The following KCNJ5 variants were observed in gnomAD, a reference collection of about 807,000 sequenced individuals.
KCNJ5 encodes G protein-activated inward rectifier potassium channel 4.
In KCNJ5, 12 loss-of-function variants were observed where a neutral mutation model predicts 20.2. The ratio of observed to expected loss-of-function variants is 0.59; its 90% CI spans 0.38 to 0.96. The LOEUF (loss-of-function observed/expected upper bound fraction) is 0.96, where lower values mean the gene tolerates loss of function less well. Ranked by LOEUF, KCNJ5 falls within the 40% of genes least tolerant of loss-of-function variation. KCNJ5 has a pLI of 0.00. For missense variants in KCNJ5, 449 were observed against 557.6 expected (o/e 0.81, Z 1.96); for synonymous variants, 210 against 213.9 (o/e 0.98, Z 0.16).
At chr11:128,894,969 C>A (rs1330957786) in intron 1 of KCNJ5, among the ~76,000 whole-genome samples, 1 of 152,158 alleles carries the variant, frequency 6.6e-6, no homozygotes, top group Non-Finnish European at 1.5e-5. Context: ...TCGTTCCAGG[C>A]CAGAGCAAGC....
chr11:128,906,694 C>T (rs1372977002), intron 1 of KCNJ5, among the ~76,000 whole-genome samples: 1 of 152,182 alleles, frequency 6.6e-6, no homozygotes, highest in Non-Finnish European at 1.5e-5. Flanking sequence ...AAGGAGAAGC[C>T]CCCTCTGTCT....
chr11:128,897,548 CCA>C (rs1161938234), intron 1 of KCNJ5, among the ~76,000 whole-genome samples: 2 of 152,056 alleles, frequency 1.3e-5, no homozygotes, highest in Non-Finnish European at 2.9e-5. Flanking sequence ...ATTTTAGATA[CCA>C]GTCCTTTGTC....
intron 1 of KCNJ5, among the ~76,000 whole-genome samples, chr11:128,898,015 C>A (rs897271026): frequency 1.2e-4 from 19 of 152,194 alleles, no homozygotes; most frequent in Non-Finnish European, 2.8e-4. Flanking sequence ...TGTGTCTATC[C>A]TTCTGCCAAT....
At chr11:128,913,653 G>A (rs1010007410) in intron 2 of KCNJ5, among the ~76,000 whole-genome samples, 6 of 151,226 alleles carry the variant, frequency 4.0e-5, no homozygotes, top group South Asian at 2.1e-4. Context: ...ACTCAGTCAC[G>A]CTCAGAATGA....
Position 128,916,831 on chromosome 11 carries a change from G to C in KCNJ5, c.*100G>C, listed in dbSNP as rs1309256276. The C allele has an allele frequency of 5.4e-6, 5 of 932,930 alleles. No individual in the cohort carries two copies. The highest frequency in any genetic ancestry group is 5.0e-5 in the African/African-American group (3 of 59,986). The allele number at this position is 932,930 out of a possible 1,614,324, so 57.8% of individuals were successfully genotyped here. A position where few individuals can be genotyped will look rare whatever the true frequency, so the allele number is the denominator to read the frequency against. On this transcript the variant is annotated 3_prime_UTR_variant, in exon 3 of 3. Coordinates refer to ENST00000529694, the MANE Select transcript of KCNJ5 (RefSeq NM_000890.5). Reference sequence around the variant, plus strand: ...AGGGGAATAGTTGAGTGTGCTGTTTGGGGGCTCAGGAGCCATCAAGGCTGT... The same window carrying C: ...AGGGGAATAGTTGAGTGTGCTGTTTCGGGGCTCAGGAGCCATCAAGGCTGT...
rs1944590377 is a variant in KCNJ5 at position 128,916,735 on chromosome 11, G to T, written c.*4G>T. ...GGAGGCCAGGGGCTCGGTGTGAGGGGTGCAGCCTCCCTAAGACCTCCTGTC... is the reference window on the plus strand; with the variant it reads ...GGAGGCCAGGGGCTCGGTGTGAGGGTTGCAGCCTCCCTAAGACCTCCTGTC... On this transcript the variant is annotated 3_prime_UTR_variant, in exon 3 of 3. Transcript: ENST00000529694. 1 of 1,591,408 alleles carries T rather than the reference G, an allele frequency of 6.3e-7. No individual in the cohort carries two copies. The highest frequency in any genetic ancestry group is 2.3e-5 in the East Asian group (1 of 44,274).
Position 128,911,670 on chromosome 11 carries a change from C to G in KCNJ5, c.397C>G (p.Leu133Val). Residue 133 changes from leucine to valine, a missense_variant, in exon 2 of 3, where the codon CTC becomes GTC. Leu to Val is a conservative substitution (Grantham distance 32). Around this residue, in one of 5 missense-constraint regions of KCNJ5, gnomAD observed 203 missense variants for 258.0 expected, o/e 0.79. Transcript: ENST00000529694. The surrounding 1 kb of genome is among the most constrained non-coding windows in gnomAD (Gnocchi z 6.3). Reference protein sequence around the residue: ...DQEWIPCVENLSGFVSAFLFS... With the variant: ...DQEWIPCVENVSGFVSAFLFS... ...AGAGTGGATTCCTTGTGTTGAAAAC[C>G]TCAGTGGCTTCGTGTCCGCTTTCCT... The G allele has an allele frequency of 1.2e-6, 2 of 1,614,206 alleles. No homozygotes were observed. The highest frequency in any genetic ancestry group is 1.7e-6 in the Non-Finnish European group (2 of 1,180,044).
At position 128,906,793 on chromosome 11, in the gene KCNJ5, ACTTT is replaced by A. The variant is rs371748677; in HGVS notation, c.-10-4463_-10-4460del. On this transcript the variant is annotated intron_variant, in intron 1 of 2. Transcript: ENST00000529694. ...ATTGGGTCAAGCTCACCCCAGATGAACTTTCTTTCTTCAGTTCAGCTCTGCCATA... is the reference window on the plus strand; with the variant it reads ...ATTGGGTCAAGCTCACCCCAGATGAACTTTCTTCAGTTCAGCTCTGCCATA... Among the ~76,000 whole-genome samples the A allele has an allele frequency of 2.4e-4, 37 of 152,278 alleles. No homozygotes were observed. The South Asian group carries it at 7.5e-3, about 31-fold the overall frequency.
In KCNJ5 at chr11:128,911,116, A is replaced by T. The variant is rs1944489611; in HGVS notation, c.-10-148A>T. 2 of 678,500 alleles carry T rather than the reference A, an allele frequency of 2.9e-6. No homozygotes were observed. Among genetic ancestry groups the T allele is most frequent in the East Asian group, 5.4e-5 (2 of 37,030 alleles). The allele number at this position is 678,500 out of a possible 1,614,324, so 42.0% of individuals were successfully genotyped here. Reference sequence around the variant, plus strand: ...TACAAAAGAACCCTATAAGAGAGTGAGGCCCCTGCCCTTGAGGATTTCACG... The same window carrying T: ...TACAAAAGAACCCTATAAGAGAGTGTGGCCCCTGCCCTTGAGGATTTCACG... On this transcript the variant is annotated intron_variant, in intron 1 of 2. Coordinates refer to ENST00000529694, the MANE Select transcript of KCNJ5 (RefSeq NM_000890.5). The surrounding 1 kb of genome is among the most constrained non-coding windows in gnomAD (Gnocchi z 6.3).
At chr11:128,895,174 G>A (rs61910649) in intron 1 of KCNJ5, among the ~76,000 whole-genome samples, 24 of 152,242 alleles carry the variant, frequency 1.6e-4, no homozygotes, top group Non-Finnish European at 2.9e-4. Context: ...GTGACTTGGC[G>A]GTCCGGGGCT....
At chr11:128,910,206 C>T (rs1052157237) in intron 1 of KCNJ5, among the ~76,000 whole-genome samples, 3 of 152,194 alleles carry the variant, frequency 2.0e-5, no homozygotes, top group Non-Finnish European at 4.4e-5. Flanking sequence ...TCTTAAAGCT[C>T]GTTAAATGGG....
chr11:128,912,511 GTTTA>G (rs1944520103), intron 2 of KCNJ5, among the ~76,000 whole-genome samples: 2 of 151,904 alleles, frequency 1.3e-5, no homozygotes, highest in East Asian at 1.9e-4. Context: ...TTGTTGTTTT[GTTTA>G]TTTGTTTATT....
At chr11:128,897,562 G>C (rs1217943929) in intron 1 of KCNJ5, among the ~76,000 whole-genome samples, 1 of 152,124 alleles carries the variant, frequency 6.6e-6, no homozygotes, top group Non-Finnish European at 1.5e-5. Flanking sequence ...TCCTTTGTCA[G>C]TCAGATATGT....
intron 1 of KCNJ5, among the ~76,000 whole-genome samples, chr11:128,896,694 A>G (rs1944182812): frequency 6.6e-6 from 1 of 151,860 alleles, no homozygotes; most frequent in African/African-American, 2.4e-5. Context: ...GTGGGAAGGT[A>G]CCATTGCTTG....
rs1446562385 is a variant in KCNJ5, at chr11:128,911,658, T to C, written c.385T>C (p.Cys129Arg). 6.2e-7 allele frequency: 1 copy of C among 1,614,238 alleles called. No homozygotes were observed. The highest frequency in any genetic ancestry group is 1.7e-5 in the Admixed American group (1 of 60,028). ...TGTTGGCGACCAAGAGTGGATTCCT[T>C]GTGTTGAAAACCTCAGTGGCTTCGT... is the stretch of plus-strand genomic sequence containing the variant. ...DHVGDQEWIP[C>R]VENLSGFVSA... The change falls in exon 2 of 3, where the codon TGT becomes CGT. Residue 129 changes from cysteine to arginine, a missense_variant. Cys to Arg is a radical substitution (Grantham distance 180, BLOSUM62 -3). This residue lies in a region of KCNJ5 where 203 missense variants were observed against 258.0 expected (regional missense o/e 0.79). Transcript: ENST00000529694. This position sits in a 1 kb window ranked among gnomAD's most constrained non-coding sequence, Gnocchi z 6.3.
Position 128,903,830 on chromosome 11 carries a change from C to G in KCNJ5, c.-10-7434C>G, listed in dbSNP as rs566699252. Among the ~76,000 whole-genome samples the G allele has an allele frequency of 8.5e-4, 129 of 152,234 alleles. No homozygotes were observed. In the South Asian group the frequency reaches 0.013, roughly 15 times the overall value. ...CAGCCCTGGCTGGCGGGAAGTGACC[C>G]GAGCTGCCGGGCAGCTTGTGCACAG... On this transcript the variant is annotated intron_variant, in intron 1 of 2. Coordinates refer to ENST00000529694, the MANE Select transcript of KCNJ5 (RefSeq NM_000890.5).
chr11:128,906,064 C>T (rs1944409289), intron 1 of KCNJ5: 1 of 152,158 alleles, frequency 6.6e-6, no homozygotes, highest in African/African-American at 2.4e-5. Context: ...CCCCTCCAGC[C>T]CCTTTCCCAG....
chr11:128,896,039 C>T (rs1246976090), intron 1 of KCNJ5, among the ~76,000 whole-genome samples: 1 of 152,212 alleles, frequency 6.6e-6, no homozygotes, highest in Non-Finnish European at 1.5e-5. Context: ...TAGACACTCA[C>T]GCTTGGTCAC....
At chr11:128,914,795 G>A (rs888088242) in intron 2 of KCNJ5, among the ~76,000 whole-genome samples, 4 of 152,182 alleles carry the variant, frequency 2.6e-5, no homozygotes, top group South Asian at 2.1e-4. Flanking sequence ...CAGGGCAGCC[G>A]CTGCCACACC....
Sources: allele counts gnomAD v4.1 joint callset (sites outside exome capture counted in the v4.1 genomes callset), GRCh38; gene constraint gnomAD v4.1.1; regional missense constraint gnomAD v4.1.1; non-coding constraint Gnocchi (gnomAD v3.1); transcripts MANE v1.5; gene names NCBI Gene and HGNC (gene_info 2026-07-23, HGNC 2026-07-21).